Variants in PTPRT observed in about 807,000 individuals in gnomAD.
The protein encoded by PTPRT is protein tyrosine phosphatase receptor type T.
A neutral mutation model predicts 176.8 loss-of-function variants in PTPRT; 56 were observed. The observed-to-expected ratio is 0.32, with a 90% confidence interval of 0.26 to 0.40. PTPRT has a LOEUF of 0.40. Among genes scored for constraint, PTPRT ranks in the 10% least tolerant of loss-of-function variants. The pLI, the probability that PTPRT is intolerant of heterozygous loss-of-function variation, is 1.00. For missense variants in PTPRT, 1,540 were observed against 1,908.2 expected (o/e 0.81, Z 3.60); for synonymous variants, 783 against 739.0 (o/e 1.06, Z -0.96).
At chr20:42,948,758 T>C (rs1448368071) in intron 1 of PTPRT, among the ~76,000 whole-genome samples, 1 of 152,218 alleles carries the variant, frequency 6.6e-6, no homozygotes, top group Non-Finnish European at 1.5e-5. Context: ...ATACATTTAC[T>C]TTTTGCTTAT....
At chr20:42,705,426 G>T (rs564409185) in intron 6 of PTPRT, among the ~76,000 whole-genome samples, 1 of 151,774 alleles carries the variant, frequency 6.6e-6, no homozygotes, top group Non-Finnish European at 1.5e-5. Flanking sequence ...AGGGCGGGGT[G>T]GGGGGAGGTG....
intron 1 of PTPRT, among the ~76,000 whole-genome samples, chr20:43,033,064 A>C (rs747932602): frequency 2.6e-5 from 4 of 152,210 alleles, no homozygotes; most frequent in Non-Finnish European, 5.9e-5. Flanking sequence ...CAAAGAAGAC[A>C]ACTCTATTTT....
chr20:42,464,535 T>C (rs972542013), intron 8 of PTPRT, among the ~76,000 whole-genome samples: 3 of 152,198 alleles, frequency 2.0e-5, no homozygotes, highest in African/African-American at 7.2e-5. Flanking sequence ...TATTTGGGAA[T>C]TGACTGTAAG....
chr20:42,486,990 G>A (rs2071474665), intron 7 of PTPRT, among the ~76,000 whole-genome samples: 1 of 152,132 alleles, frequency 6.6e-6, no homozygotes, highest in Admixed American at 6.5e-5. Context: ...TTTACTGAAA[G>A]ATAACTCAAA....
intron 6 of PTPRT, among the ~76,000 whole-genome samples, chr20:42,692,574 C>T (rs1390584770): frequency 6.6e-6 from 1 of 152,170 alleles, no homozygotes; most frequent in Admixed American, 6.5e-5. Flanking sequence ...TAACACATTA[C>T]TCTAACATCA....
chr20:42,579,832 A>T (rs976642569), intron 7 of PTPRT, among the ~76,000 whole-genome samples: 3 of 152,068 alleles, frequency 2.0e-5, no homozygotes, highest in Non-Finnish European at 1.5e-5. Flanking sequence ...GATTACAAAA[A>T]TTTTCTCCCA....
chr20:42,604,256 C>T (rs1179037989), intron 7 of PTPRT, among the ~76,000 whole-genome samples: 1 of 152,184 alleles, frequency 6.6e-6, no homozygotes, highest in Non-Finnish European at 1.5e-5. Flanking sequence ...ACAGAGTCAT[C>T]TGGGGAAAAC....
At chr20:42,121,383 G>A (rs1987581971) in intron 19 of PTPRT, among the ~76,000 whole-genome samples, 1 of 152,154 alleles carries the variant, frequency 6.6e-6, no homozygotes, top group Admixed American at 6.5e-5. Context: ...AGTTTCTTAA[G>A]GACAAACACT....
intron 1 of PTPRT, among the ~76,000 whole-genome samples, chr20:42,900,967 G>T (rs577234424): frequency 1.3e-5 from 2 of 152,132 alleles, no homozygotes; most frequent in African/African-American, 4.8e-5. Context: ...AGGACTGATT[G>T]TATCTTGAGT....
chr20:42,515,717 A>G (rs1452430850), intron 7 of PTPRT, among the ~76,000 whole-genome samples: 1 of 152,184 alleles, frequency 6.6e-6, no homozygotes, highest in Non-Finnish European at 1.5e-5. Context: ...CAGCACCCAG[A>G]TCAAGAATGA....
chr20:42,209,944 C>T (rs867065862), intron 15 of PTPRT, among the ~76,000 whole-genome samples: 1 of 152,132 alleles, frequency 6.6e-6, no homozygotes, highest in Non-Finnish European at 1.5e-5. Context: ...AAAAGCTTAT[C>T]CACCATGATC....
intron 2 of PTPRT, among the ~76,000 whole-genome samples, chr20:42,854,533 G>A (rs1481457066): frequency 2.0e-5 from 3 of 152,196 alleles, no homozygotes; most frequent in East Asian, 1.9e-4. Context: ...CCTGACATGT[G>A]CCTTGCACCC....
chr20:42,595,774 T>C (rs1663639403), intron 7 of PTPRT, among the ~76,000 whole-genome samples: 1 of 152,178 alleles, frequency 6.6e-6, no homozygotes, highest in African/African-American at 2.4e-5. Flanking sequence ...AGTGCGACAT[T>C]GAACATGTCA....
chr20:42,994,754 T>G (rs1272628439), intron 1 of PTPRT, among the ~76,000 whole-genome samples: 1 of 152,190 alleles, frequency 6.6e-6, no homozygotes, highest in Non-Finnish European at 1.5e-5. Context: ...TTGAGGCAGG[T>G]TCATCTGGCT....
chr20:43,019,147 C>T (rs1386996476), intron 1 of PTPRT, among the ~76,000 whole-genome samples: 3 of 152,152 alleles, frequency 2.0e-5, no homozygotes, highest in Non-Finnish European at 4.4e-5. Context: ...GTGAAGTAAA[C>T]CTATATGAGC....
the PTPRT span, among the ~76,000 whole-genome samples, chr20:42,059,134 T>C: frequency 1.3e-5 from 2 of 152,166 alleles, no homozygotes; most frequent in African/African-American, 4.8e-5. Flanking sequence ...GGGCGAGGAC[T>C]CTGAGGGTCA....
At chr20:43,082,091 T>C (rs1003359308) in intron 1 of PTPRT, among the ~76,000 whole-genome samples, 4 of 152,186 alleles carry the variant, frequency 2.6e-5, no homozygotes, top group Non-Finnish European at 5.9e-5. Context: ...TTGTGGTTAT[T>C]TTCCTAGAAT....
the PTPRT span, among the ~76,000 whole-genome samples, chr20:42,044,154 A>T: frequency 6.6e-6 from 1 of 152,180 alleles, no homozygotes; most frequent in Non-Finnish European, 1.5e-5. Flanking sequence ...TCCCAGAAGG[A>T]GGGGTAAGCC....
intron 2 of PTPRT, among the ~76,000 whole-genome samples, chr20:42,804,402 G>A (rs2077574985): frequency 6.6e-6 from 1 of 152,072 alleles, no homozygotes; most frequent in Non-Finnish European, 1.5e-5. Flanking sequence ...ACCTCATCCA[G>A]TCAAGTGGTC....
Sources: gnomAD v4.1 joint callset for allele counts (sites outside exome capture counted in the v4.1 genomes callset) on GRCh38, gnomAD v4.1.1 for gene constraint, MANE v1.5 for transcripts, NCBI Gene and HGNC (gene_info 2026-07-23, HGNC 2026-07-21) for gene names.